The following RNLS variants were observed in gnomAD, a reference collection of about 807,000 sequenced individuals.
RNLS encodes renalase, FAD dependent amine oxidase, also known as renalase.
In RNLS, 39 loss-of-function variants were observed where a neutral mutation model predicts 39.8. The ratio of observed to expected loss-of-function variants is 0.98; its 90% CI spans 0.76 to 1.28. The LOEUF (loss-of-function observed/expected upper bound fraction) is 1.28, where lower values mean the gene tolerates loss of function less well. Ranked by LOEUF, RNLS falls within the 50% of genes most tolerant of loss-of-function variation. RNLS has a pLI of 0.00. For synonymous variants in RNLS, 147 were observed against 150.7 expected (o/e 0.98, Z 0.18); for missense variants, 410 against 413.3 (o/e 0.99, Z 0.07).
Position 88,316,150 on chromosome 10 carries a change from T to A in RNLS, c.701-1509A>T, listed in dbSNP as rs1403632124. Among the ~76,000 whole-genome samples the A allele has an allele frequency of 1.6e-4, 24 of 152,086 alleles. 1 individual carries two copies. Among genetic ancestry groups the A allele is most frequent in the Admixed American group, 1.6e-3 (24 of 15,252 alleles). On this transcript the variant is annotated intron_variant, in intron 5 of 6. Transcript: ENST00000331772. ...CATATACGAGGTGAGGGACCTGAAT[T>A]CAGAATTTGTGCAGTAAATGCAATG... is the stretch of plus-strand genomic sequence containing the variant.
chr10:88,175,222 T>G, the RNLS span, among the ~76,000 whole-genome samples: 1 of 152,250 alleles, frequency 6.6e-6, no homozygotes, highest in South Asian at 2.1e-4. Context: ...TGTTCATCTT[T>G]TGTATTTTGG....
chr10:88,419,416 C>G (rs1854243794), intron 4 of RNLS, among the ~76,000 whole-genome samples: 1 of 152,200 alleles, frequency 6.6e-6, no homozygotes, highest in African/African-American at 2.4e-5. Flanking sequence ...GATCTGAGTA[C>G]TCCTCTGTCC....
At chr10:88,423,471 A>C (rs993471450) in intron 4 of RNLS, among the ~76,000 whole-genome samples, 3 of 152,208 alleles carry the variant, frequency 2.0e-5, no homozygotes, top group African/African-American at 7.2e-5. Context: ...CTCAGTATTC[A>C]CCACATCTGA....
chr10:88,262,446 C>T, the RNLS span, among the ~76,000 whole-genome samples: 27 of 152,136 alleles, frequency 1.8e-4, no homozygotes, highest in African/African-American at 6.0e-4. Context: ...GGACTCAGAT[C>T]GGCACCCTCT....
At chr10:88,540,826 A>G (rs1847996598) in intron 4 of RNLS, among the ~76,000 whole-genome samples, 1 of 152,080 alleles carries the variant, frequency 6.6e-6, no homozygotes, top group African/African-American at 2.4e-5. Context: ...ATTTTTTCAC[A>G]CATCAAATCT....
chr10:88,563,360 A>C (rs1202750306), intron 4 of RNLS, among the ~76,000 whole-genome samples: 1 of 152,178 alleles, frequency 6.6e-6, no homozygotes, highest in Non-Finnish European at 1.5e-5. Context: ...GGCAGTATTA[A>C]AGCCACACTT....
intron 4 of RNLS, among the ~76,000 whole-genome samples, chr10:88,399,096 A>C (rs926496531): frequency 1.9e-4 from 29 of 151,940 alleles, no homozygotes; most frequent in South Asian, 2.1e-4. Flanking sequence ...ATATCATTTC[A>C]TACCTCCTAG....
rs183144381 is a variant in RNLS, at chr10:88,552,399, C to G, written c.526+20504G>C. Among the ~76,000 whole-genome samples the G allele has an allele frequency of 7.0e-3, 1,066 of 152,278 alleles. 3 individuals carry two copies. The highest frequency in any genetic ancestry group is 0.01 in the Non-Finnish European group (713 of 68,028). ...AAGGATGGAAGCCCAGACTCTGGGA[C>G]AATTCCAGGAACACAGTGAGTGCTG... On this transcript the variant is annotated intron_variant, in intron 4 of 6. Transcript: ENST00000331772.
the RNLS span, among the ~76,000 whole-genome samples, chr10:88,180,725 A>G: frequency 1.3e-5 from 2 of 152,236 alleles, no homozygotes; most frequent in Non-Finnish European, 2.9e-5. Context: ...CTAGATAGAT[A>G]TACAAGTATT....
At chr10:88,502,506 C>T (rs1845560773) in intron 4 of RNLS, among the ~76,000 whole-genome samples, 1 of 152,128 alleles carries the variant, frequency 6.6e-6, no homozygotes, top group African/African-American at 2.4e-5. Flanking sequence ...CGCTTTCCAC[C>T]TTGAGTGGAA....
chr10:88,493,396 T>C (rs1480278911), intron 4 of RNLS, among the ~76,000 whole-genome samples: 2 of 152,072 alleles, frequency 1.3e-5, no homozygotes, highest in Admixed American at 6.6e-5. Context: ...ACAGAAATCA[T>C]ATATAAGAAC....
intron 4 of RNLS, among the ~76,000 whole-genome samples, chr10:88,407,305 C>T (rs1853340732): frequency 6.6e-6 from 1 of 151,788 alleles, no homozygotes; most frequent in African/African-American, 2.4e-5. Context: ...GTATCTAGTC[C>T]CTATCCTCAT....
chr10:88,274,933 C>A, exon 7 of RNLS: 1 of 1,583,522 alleles, frequency 6.3e-7, no homozygotes, highest in Non-Finnish European at 8.7e-7. Flanking sequence ...CAAATAAAAC[C>A]TGACTGTGTG....
chr10:88,574,504 A>G (rs2134455519), intron 3 of RNLS, among the ~76,000 whole-genome samples: 1 of 152,318 alleles, frequency 6.6e-6, no homozygotes, highest in East Asian at 1.9e-4. Flanking sequence ...AAATATCTGC[A>G]TGCTTTAGTT....
At chr10:88,575,153 TATATATACAC>T (rs67949156) in intron 3 of RNLS, among the ~76,000 whole-genome samples, 6,339 of 51,730 alleles carry the variant, frequency 0.12, 193 homozygotes, top group Admixed American at 0.2. Context: ...TATATATATA[TATATATACAC>T]ACACACACAC....
intron 4 of RNLS, among the ~76,000 whole-genome samples, chr10:88,447,004 G>C (rs941411539): frequency 4.6e-5 from 7 of 152,148 alleles, no homozygotes; most frequent in African/African-American, 1.7e-4. Flanking sequence ...GTATTGATGG[G>C]ATGTATCTCA....
intron 4 of RNLS, among the ~76,000 whole-genome samples, chr10:88,454,706 C>A (rs1044688597): frequency 3.9e-5 from 6 of 152,146 alleles, no homozygotes; most frequent in African/African-American, 1.4e-4. Flanking sequence ...ACAACTCAAT[C>A]TGGGTAGATT....
rs1206170376 is a variant in RNLS, at chr10:88,396,570, AG to A, written c.527-33846del. ...CCAAAGAAGGCAGTAATGGAGAAATAGGGGAATAAAAAATGACTTAAGACAT... is the reference window on the plus strand; with the variant it reads ...CCAAAGAAGGCAGTAATGGAGAAATAGGGAATAAAAAATGACTTAAGACAT... On this transcript the variant is annotated intron_variant, in intron 4 of 6. Transcript: ENST00000331772. Among the ~76,000 whole-genome samples the A allele has an allele frequency of 2.0e-5, 3 of 151,634 alleles. No homozygotes were observed. In the East Asian group the frequency reaches 5.8e-4, roughly 29 times the overall value.
chr10:88,248,719 A>G, the RNLS span, among the ~76,000 whole-genome samples: 7 of 152,066 alleles, frequency 4.6e-5, no homozygotes, highest in Non-Finnish European at 1.0e-4. Context: ...CCCTCCCACC[A>G]AGATGTTTAC....
Sources: gnomAD v4.1 joint callset for allele counts (sites outside exome capture counted in the v4.1 genomes callset) on GRCh38, gnomAD v4.1.1 for gene constraint, MANE v1.5 for transcripts, NCBI Gene and HGNC (gene_info 2026-07-23, HGNC 2026-07-21) for gene names.